The following PYGO1 variants were observed in gnomAD, a reference collection of about 807,000 sequenced individuals.
PYGO1 encodes the protein pygopus homolog 1.
PYGO1 carries 6 observed loss-of-function variants against 29.5 expected under a neutral mutation model. The observed-to-expected ratio is 0.20, with a 90% CI of 0.11 to 0.40. PYGO1 has a LOEUF of 0.40. PYGO1 is among the 10% of genes least tolerant of loss of function. The pLI is 1.00. For missense variants in PYGO1, 515 were observed against 514.9 expected (o/e 1.00, Z 0.00); for synonymous variants, 186 against 180.5 (o/e 1.03, Z -0.24).
chr15:55,567,282 A>C (rs1307287734), intron 1 of PYGO1, among the ~76,000 whole-genome samples: 2 of 132,250 alleles, frequency 1.5e-5, no homozygotes, highest in Non-Finnish European at 3.1e-5. Context: ...AAGACAGCTA[A>C]CTGCAGCCTC....
At chr15:55,556,073 C>G (rs889271809) in intron 1 of PYGO1, among the ~76,000 whole-genome samples, 1 of 151,946 alleles carries the variant, frequency 6.6e-6, no homozygotes, top group Non-Finnish European at 1.5e-5. Flanking sequence ...TTTAACACCC[C>G]ACTGACAATA....
rs766267840 is a variant in PYGO1, at chr15:55,546,853, G to A, written c.430C>T (p.His144Tyr). 3.1e-6 allele frequency: 5 copies of A among 1,614,088 alleles called. No homozygotes were observed. The highest frequency in any genetic ancestry group is 4.2e-6 in the Non-Finnish European group (5 of 1,180,020). ...NPLGMGFNRPHAFNFGPHDNS... is the reference protein window; with the variant it reads ...NPLGMGFNRPYAFNFGPHDNS... ...TCATGTGGCCCAAAGTTAAAAGCATGAGGTCGATTAAAACCCATGCCCAGA... is the reference window on the plus strand; with the variant it reads ...TCATGTGGCCCAAAGTTAAAAGCATAAGGTCGATTAAAACCCATGCCCAGA... Residue 144 changes from histidine (H) to tyrosine (Y), a missense_variant, in exon 3 of 3, where the codon CAT (histidine) becomes TAT (tyrosine). Transcript: ENST00000563719.
chr15:55,584,740 A>C (rs1230313379), intron 1 of PYGO1, among the ~76,000 whole-genome samples: 2 of 152,220 alleles, frequency 1.3e-5, no homozygotes, highest in Admixed American at 6.5e-5. Flanking sequence ...TCTTATAATC[A>C]AAAGGTGAAG....
rs780701646 is a variant in PYGO1 at position 55,539,950 on chromosome 15, C to T, written c.*6073G>A. On this transcript the variant is annotated 3_prime_UTR_variant, in exon 3 of 3. Coordinates refer to ENST00000563719, the MANE Select transcript of PYGO1 (RefSeq NM_001367806.1). ...TTTAAAAAGATATGCAGTTTAAGCA[C>T]TCACAAGCCTTCATTTTTTTCTTTC... is the stretch of plus-strand genomic sequence containing the variant. 9 of 152,034 alleles carry T rather than the reference C, an allele frequency of 5.9e-5. No individual in the cohort carries two copies. The highest frequency in any genetic ancestry group is 1.3e-4 in the Admixed American group (2 of 15,284). 9.4% of individuals were successfully genotyped at this position (152,034 alleles called of 1,614,324 possible). A position where few individuals can be genotyped will look rare whatever the true frequency, so the allele number is the denominator to read the frequency against.
rs528160454 is a variant in PYGO1, at chr15:55,562,420, C to T, written c.50-13425G>A. On this transcript the variant is annotated intron_variant, in intron 1 of 2. Transcript: ENST00000563719. ...AGCGTGGTGGCTCATGCCTGTAATC[C>T]CAGCACTTTGGGAGGCTGAGGTGGG... is the stretch of plus-strand genomic sequence containing the variant. 1.5e-4 allele frequency among the ~76,000 whole-genome samples: 23 copies of T among 152,224 alleles called. No individual in the cohort carries two copies. In the South Asian group the frequency reaches 2.9e-3, roughly 19 times the overall value.
chr15:55,583,028 C>A (rs2059031657), intron 1 of PYGO1, among the ~76,000 whole-genome samples: 1 of 152,106 alleles, frequency 6.6e-6, no homozygotes, highest in African/African-American at 2.4e-5. Context: ...TTATTTCTAA[C>A]TCTGGTTAAA....
intron 1 of PYGO1, among the ~76,000 whole-genome samples, chr15:55,575,236 TC>T (rs2058996463): frequency 6.6e-6 from 1 of 152,186 alleles, no homozygotes; most frequent in East Asian, 1.9e-4. Context: ...TGAGTCCTAC[TC>T]CCAAAGATTC....
At position 55,544,349 on chromosome 15, in the gene PYGO1, A is replaced by G. The variant is rs558660765; in HGVS notation, c.*1674T>C. On this transcript the variant is annotated 3_prime_UTR_variant, in exon 3 of 3. Transcript: ENST00000563719. ...TATAAATTGTTAACATCTTCCAGTTACTTCATCTCGATTGGGGAATGCATT... is the reference window on the plus strand; with the variant it reads ...TATAAATTGTTAACATCTTCCAGTTGCTTCATCTCGATTGGGGAATGCATT... 10 of 152,322 alleles carry G rather than the reference A, an allele frequency of 6.6e-5. No individual in the cohort carries two copies. The highest frequency in any genetic ancestry group is 2.4e-4 in the African/African-American group (10 of 41,578). The allele number at this position is 152,322 out of a possible 1,614,324, so 9.4% of individuals were successfully genotyped here. A position where few individuals can be genotyped will look rare whatever the true frequency, so the allele number is the denominator to read the frequency against.
intron 1 of PYGO1, among the ~76,000 whole-genome samples, chr15:55,562,682 A>G (rs1408355010): frequency 7.0e-6 from 1 of 142,574 alleles, no homozygotes; most frequent in East Asian, 2.0e-4. Context: ...AAAAAAAAAA[A>G]GAAAAATCCA....
upstream of PYGO1, chr15:55,588,964 C>T: frequency 1.2e-6 from 1 of 854,088 alleles, no homozygotes; most frequent in Non-Finnish European, 1.8e-6. Flanking sequence ...GAAAGAGCGA[C>T]GTAGAATAAA....
chr15:55,549,847 T>C (rs2058870979), intron 1 of PYGO1, among the ~76,000 whole-genome samples: 1 of 152,166 alleles, frequency 6.6e-6, no homozygotes, highest in African/African-American at 2.4e-5. Context: ...CAGAGAAGAA[T>C]GAAATTAACC....
intron 1 of PYGO1, among the ~76,000 whole-genome samples, chr15:55,559,815 C>A (rs918201055): frequency 1.1e-4 from 16 of 152,132 alleles, no homozygotes; most frequent in African/African-American, 3.9e-4. Flanking sequence ...CCAAATCCAG[C>A]AGCACATCAA....
intron 1 of PYGO1, among the ~76,000 whole-genome samples, chr15:55,554,265 C>G (rs1026235319): frequency 4.0e-5 from 6 of 151,892 alleles, no homozygotes; most frequent in African/African-American, 1.5e-4. Flanking sequence ...GAGATCGAGA[C>G]CATCCTGGCT....
intron 1 of PYGO1, among the ~76,000 whole-genome samples, chr15:55,554,468 C>CAAAAAAAAAAAAAAAAAAAAAAAAA (rs56216226): frequency 7.3e-5 from 9 of 122,916 alleles, no homozygotes; most frequent in East Asian, 6.4e-4. Context: ...GACTCTGTCT[C>CAAAAAAAAAAAAAAAAAAAAAAAAA]AAAAAAAAAA....
At chr15:55,560,411 T>C (rs1255720494) in intron 1 of PYGO1, among the ~76,000 whole-genome samples, 1 of 152,064 alleles carries the variant, frequency 6.6e-6, no homozygotes, top group Non-Finnish European at 1.5e-5. Flanking sequence ...AACAAAATCA[T>C]GAATGAACTC....
chr15:55,558,095 C>T (rs2058915231), intron 1 of PYGO1, among the ~76,000 whole-genome samples: 2 of 152,162 alleles, frequency 1.3e-5, no homozygotes, highest in South Asian at 4.1e-4. Context: ...ATAGTTAGAA[C>T]ACCCCATTAG....
intron 1 of PYGO1, among the ~76,000 whole-genome samples, chr15:55,551,062 G>A (rs1445333343): frequency 6.6e-6 from 1 of 152,184 alleles, no homozygotes; most frequent in Non-Finnish European, 1.5e-5. Context: ...TGCTGCTGCT[G>A]ATCTGTCAGG....
rs35867103 is a variant in PYGO1 at position 55,546,746 on chromosome 15, A to G, written c.537T>C (p.Asn179=). The change falls in exon 3 of 3, where the codon AAT becomes AAC. Residue 179 remains asparagine (N), a synonymous_variant. Coordinates refer to ENST00000563719, the MANE Select transcript of PYGO1 (RefSeq NM_001367806.1). Reference sequence around the variant, plus strand: ...GAATTTGACTGAAATTTTCAGCAGGATTTTGTCTAAAATGTTGATTAGGCA... The same window carrying G: ...GAATTTGACTGAAATTTTCAGCAGGGTTTTGTCTAAAATGTTGATTAGGCA... ...VNMPNQHFRQ[N]PAENFSQIPP... 476 of 1,614,060 alleles carry G rather than the reference A, an allele frequency of 2.9e-4. 1 individual carries two copies. In the African/African-American group the frequency reaches 5.7e-3, roughly 19 times the overall value.
At chr15:55,554,468 C>CAAAAAAAAAAAAAAAAAAAA (rs56216226) in intron 1 of PYGO1, among the ~76,000 whole-genome samples, 6 of 122,908 alleles carry the variant, frequency 4.9e-5, no homozygotes, top group East Asian at 6.4e-4. Context: ...GACTCTGTCT[C>CAAAAAAAAAAAAAAAAAAAA]AAAAAAAAAA....
Sources: allele counts gnomAD v4.1 joint callset (sites outside exome capture counted in the v4.1 genomes callset), GRCh38; gene constraint gnomAD v4.1.1; transcripts MANE v1.5; gene names NCBI Gene and HGNC (gene_info 2026-07-23, HGNC 2026-07-21).